SYT9: variants seen among roughly 807,000 people sequenced by gnomAD.
SYT9 encodes the protein synaptotagmin 9.
Under a neutral mutation model 48.4 loss-of-function variants are expected in SYT9, and 22 were observed. The ratio of observed to expected loss-of-function variants is 0.45; its 90% CI spans 0.32 to 0.65. SYT9 has a LOEUF of 0.65. SYT9 is among the 30% of genes least tolerant of loss of function. The pLI, the probability that SYT9 is intolerant of heterozygous loss-of-function variation, is 0.03. For missense variants in SYT9, 577 were observed against 622.0 expected, an observed-to-expected ratio of 0.93 and a Z score of 0.77; for synonymous variants, 265 against 245.0, an observed-to-expected ratio of 1.08 and a Z score of -0.76.
At chr11:7,258,216 G>A (rs1202997429) in intron 1 of SYT9, among the ~76,000 whole-genome samples, 4 of 152,202 alleles carry the variant, frequency 2.6e-5, no homozygotes, top group Non-Finnish European at 5.9e-5. Flanking sequence ...ACTCCAAAGT[G>A]TATAGAGAAA....
chr11:7,252,237 C>G lies in SYT9; in HGVS notation c.51C>G (p.Ala17=), dbSNP rs371585789. The G allele has an allele frequency of 9.0e-5, 135 of 1,501,782 alleles. No individual in the cohort carries two copies. The highest frequency in any genetic ancestry group is 1.2e-4 in the East Asian group (4 of 34,728). 93.0% of individuals were successfully genotyped at this position (1,501,782 alleles called of 1,614,324 possible). A position where few individuals can be genotyped will look rare whatever the true frequency, so the allele number is the denominator to read the frequency against. The part of the protein sequence containing the change: ...ALCHQALQLL[A]ELCARGALEH... Reference sequence around the variant, plus strand: ...GTCACCAGGCGCTGCAGCTGCTGGCCGAGCTCTGTGCCCGTGGGGCCCTGG... The same window carrying G: ...GTCACCAGGCGCTGCAGCTGCTGGCGGAGCTCTGTGCCCGTGGGGCCCTGG... Residue 17 remains alanine, a synonymous_variant, in exon 1 of 7, where the codon GCC becomes GCG. Coordinates refer to ENST00000318881, the MANE Select transcript of SYT9 (RefSeq NM_175733.4). The surrounding 1 kb of genome is among the most constrained non-coding windows in gnomAD (Gnocchi z 6.3).
intron 3 of SYT9, among the ~76,000 whole-genome samples, chr11:7,413,944 C>T (rs530687614): frequency 1.3e-5 from 2 of 152,252 alleles, no homozygotes; most frequent in South Asian, 2.1e-4. Context: ...GCCTGGTTTA[C>T]ATTCTGAATA....
chr11:7,454,330 C>T (rs4758187), intron 6 of SYT9: 759,278 of 983,570 alleles, frequency 0.77, 293,916 homozygotes, highest in Non-Finnish European at 0.78. Flanking sequence ...TTACCATTTC[C>T]GCTCTCTGCT....
At chr11:7,312,346 A>G (rs934558613) in intron 2 of SYT9, among the ~76,000 whole-genome samples, 2 of 152,198 alleles carry the variant, frequency 1.3e-5, no homozygotes, top group Admixed American at 6.5e-5. Context: ...CTGTTTACCA[A>G]TCCCTAAGAG....
chr11:7,306,889 C>T (rs1849042994), intron 2 of SYT9, among the ~76,000 whole-genome samples: 1 of 152,190 alleles, frequency 6.6e-6, no homozygotes, highest in African/African-American at 2.4e-5. Context: ...TGTTTTGTTT[C>T]TTCCTGTCTA....
chr11:7,367,185 C>G (rs1250166754), intron 3 of SYT9, among the ~76,000 whole-genome samples: 1 of 149,308 alleles, frequency 6.7e-6, no homozygotes, highest in East Asian at 2.0e-4. Context: ...GGGTTCACGC[C>G]ATTCTCCTGC....
At chr11:7,362,774 A>G (rs1050072023) in intron 3 of SYT9, among the ~76,000 whole-genome samples, 2 of 152,176 alleles carry the variant, frequency 1.3e-5, no homozygotes, top group African/African-American at 4.8e-5. Flanking sequence ...TAAATAACAT[A>G]GAACTAGATT....
At chr11:7,448,190 G>T (rs756886582) in intron 6 of SYT9, among the ~76,000 whole-genome samples, 8 of 152,232 alleles carry the variant, frequency 5.3e-5, no homozygotes, top group Non-Finnish European at 1.2e-4. Flanking sequence ...ATATTGTTGA[G>T]ACAGTCTAGT....
chr11:7,284,970 C>T (rs536507949), intron 1 of SYT9, among the ~76,000 whole-genome samples: 1 of 152,136 alleles, frequency 6.6e-6, no homozygotes, highest in African/African-American at 2.4e-5. Flanking sequence ...GACACATTCA[C>T]CATTATTTTT....
At chr11:7,432,911 A>C (rs12419752) in intron 6 of SYT9, among the ~76,000 whole-genome samples, 1 of 151,626 alleles carries the variant, frequency 6.6e-6, no homozygotes, top group Non-Finnish European at 1.5e-5. Flanking sequence ...TGTATTTTGC[A>C]ATATGGGAAG....
At position 7,468,041 on chromosome 11, in the gene SYT9, A is replaced by T. The variant is rs1848362433; in HGVS notation, c.*1241A>T. 1 of 378,706 alleles carries T rather than the reference A, an allele frequency of 2.6e-6. No individual in the cohort carries two copies. Among genetic ancestry groups the T allele is most frequent in the Non-Finnish European group, 4.7e-6 (1 of 213,770 alleles). 23.5% of individuals were successfully genotyped at this position (378,706 alleles called of 1,614,324 possible). On this transcript the variant is annotated 3_prime_UTR_variant, in exon 7 of 7. Transcript: ENST00000318881. ...AAAGGCCTCAGCATATCCTGGGAGG[A>T]CTGGGGGCTGTTACCTAATGGTCCT...
At chr11:7,271,891 A>T (rs1848304608) in intron 1 of SYT9, among the ~76,000 whole-genome samples, 1 of 152,166 alleles carries the variant, frequency 6.6e-6, no homozygotes, top group Non-Finnish European at 1.5e-5. Context: ...TTGGTCTTGG[A>T]TGAACTATAA....
intron 1 of SYT9, among the ~76,000 whole-genome samples, chr11:7,295,756 A>T (rs897403971): frequency 6.6e-6 from 1 of 152,192 alleles, no homozygotes; most frequent in African/African-American, 2.4e-5. Flanking sequence ...TCTGAACTCC[A>T]TGTATTGGTT....
At chr11:7,238,929 G>A (rs1367462970) in intron 1 of SYT9, 2 of 456,034 alleles carry the variant, frequency 4.4e-6, no homozygotes, top group South Asian at 1.5e-5. Flanking sequence ...AAAGTTGCTA[G>A]TGGGGAATCT....
At chr11:7,412,645 G>C (rs941757540) in intron 3 of SYT9, among the ~76,000 whole-genome samples, 1 of 152,170 alleles carries the variant, frequency 6.6e-6, no homozygotes, top group Non-Finnish European at 1.5e-5. Flanking sequence ...GCCAATTACT[G>C]GGCTTCCAGG....
chr11:7,240,083 C>T (rs764532900), intron 1 of SYT9, among the ~76,000 whole-genome samples: 51 of 151,896 alleles, frequency 3.4e-4, no homozygotes, highest in African/African-American at 1.2e-3. Context: ...TGTGGCATGC[C>T]GACAGTTAGA....
chr11:7,249,566 T>G (rs1214857070), upstream of SYT9, among the ~76,000 whole-genome samples: 2 of 152,222 alleles, frequency 1.3e-5, no homozygotes, highest in Non-Finnish European at 1.5e-5. Context: ...CATCAACCAC[T>G]TTGGGATGTT....
intron 1 of SYT9, among the ~76,000 whole-genome samples, chr11:7,266,431 G>T (rs1193721205): frequency 1.3e-5 from 2 of 151,964 alleles, no homozygotes; most frequent in Non-Finnish European, 2.9e-5. Flanking sequence ...CCTTTGGTAG[G>T]AACATTCATT....
chr11:7,454,353 T>C, intron 6 of SYT9: 3 of 966,106 alleles, frequency 3.1e-6, no homozygotes, highest in Non-Finnish European at 3.7e-6. Context: ...ACTCCAGGCT[T>C]CTCTACAGCC....
Sources: allele counts gnomAD v4.1 joint callset (sites outside exome capture counted in the v4.1 genomes callset), GRCh38; gene constraint gnomAD v4.1.1; non-coding constraint Gnocchi (gnomAD v3.1); transcripts MANE v1.5; gene names NCBI Gene and HGNC (gene_info 2026-07-23, HGNC 2026-07-21).